The following INCENP variants were observed in gnomAD, a reference collection of about 807,000 sequenced individuals.
INCENP encodes the protein inner centromere protein, also known as binds and activates aurora-B and -C in vivo and in vitro.
INCENP carries 43 observed loss-of-function variants against 107.3 expected under a neutral mutation model. The observed-to-expected ratio is 0.40, with a 90% CI of 0.31 to 0.52. INCENP has a LOEUF of 0.52. INCENP is among the 20% of genes least tolerant of loss of function. The pLI, the probability that INCENP is intolerant of heterozygous loss-of-function variation, is 0.53. For missense variants in INCENP, 1,089 were observed against 1,250.9 expected, an observed-to-expected ratio of 0.87 and a Z score of 1.95; for synonymous variants, 488 against 494.4, an observed-to-expected ratio of 0.99 and a Z score of 0.17.
In INCENP at chr11:62,152,039, G is replaced by GCAA. The variant is rs1473028341; in HGVS notation, c.*63_*64insCAA. On this transcript the variant is annotated 3_prime_UTR_variant, in exon 19 of 19. Coordinates refer to ENST00000394818, the MANE Select transcript of INCENP (RefSeq NM_001040694.2). ...TCCATGTCTATCTGTCTGTCTGTCGGTCTCTGTCTTGGTCTGTTGCCCTCC... is the reference window on the plus strand; with the variant it reads ...TCCATGTCTATCTGTCTGTCTGTCGGCAATCTCTGTCTTGGTCTGTTGCCCTCC... 4 of 1,343,570 alleles carry GCAA rather than the reference G, an allele frequency of 3.0e-6. No individual in the cohort carries two copies. The highest frequency in any genetic ancestry group is 4.1e-6 in the Non-Finnish European group (4 of 964,594). 83.2% of individuals were successfully genotyped at this position (1,343,570 alleles called of 1,614,324 possible).
chr11:62,151,534 C>T (rs1313158359), intron 18 of INCENP, among the ~76,000 whole-genome samples: 2 of 152,168 alleles, frequency 1.3e-5, no homozygotes, highest in South Asian at 2.1e-4. Flanking sequence ...CTGGCTCATG[C>T]GAGCTCTCAA....
intron 3 of INCENP, 23 bp from the exon 4 acceptor site, chr11:62,129,759 C>T (rs770454641): frequency 6.3e-7 from 1 of 1,587,426 alleles, no homozygotes; most frequent in South Asian, 1.1e-5. Flanking sequence ...CCGTCTCAGC[C>T]TCTGCCCTGC....
rs1319390615 is a variant in INCENP, at chr11:62,128,916, G to A, written c.254+33G>A. The A allele has an allele frequency of 2.8e-6, 4 of 1,409,238 alleles. No homozygotes were observed. In the Admixed American group the frequency reaches 5.0e-5, roughly 18 times the overall value. 87.3% of individuals were successfully genotyped at this position (1,409,238 alleles called of 1,614,324 possible). On this transcript the variant is annotated intron_variant, in intron 3 of 18. Transcript: ENST00000394818. The stretch of plus-strand genomic sequence containing the variant: ...GGGTTGGGGGAGAGTGAGCTGAGCA[G>A]TGGGCTCTGCGGAGGCTTGGTGCCA...
chr11:62,130,387 C>A lies in INCENP; in HGVS notation c.860C>A (p.Pro287Gln). 6.2e-7 allele frequency: 1 copy of A among 1,612,960 alleles called. No individual in the cohort carries two copies. Among genetic ancestry groups the A allele is most frequent in the Non-Finnish European group, 8.5e-7 (1 of 1,180,012 alleles). The change falls in exon 4 of 19, where the codon CCG becomes CAG. Residue 287 changes from proline to glutamine, a missense_variant. By Grantham distance (76) the Pro-to-Gln change is moderately conservative. Transcript: ENST00000394818. ...WRERVLAPIL[P>Q]DNFSTPTGSR... ...GAGCGGGTGCTGGCTCCCATCCTGCCGGATAACTTCTCCACGCCCACGGGC... is the reference window on the plus strand; with the variant it reads ...GAGCGGGTGCTGGCTCCCATCCTGCAGGATAACTTCTCCACGCCCACGGGC...
Position 62,146,742 on chromosome 11 carries a change from AAGCGGCTGGCAGAGC to A in INCENP, c.2050_2064del (p.Leu684_Arg688del). The stretch of plus-strand genomic sequence containing the variant: ...GCGGCTGCGGAAGGCGGCCGAGGCT[AAGCGGCTGGCAGAGC>A]AGCGGGAGCAGGAGCGGCGGGAGCA... On this transcript the variant is annotated inframe_deletion, in exon 15 of 19. Transcript: ENST00000394818. 1 of 1,547,480 alleles carries A rather than the reference AAGCGGCTGGCAGAGC, an allele frequency of 6.5e-7. No individual in the cohort carries two copies. The highest frequency in any genetic ancestry group is 1.4e-5 in the African/African-American group (1 of 71,280).
chr11:62,125,352 T>C (rs1217043125), intron 1 of INCENP, among the ~76,000 whole-genome samples: 1 of 152,272 alleles, frequency 6.6e-6, no homozygotes, highest in Non-Finnish European at 1.5e-5. Context: ...TTTGAACAAA[T>C]ACTTTTTAAA....
chr11:62,137,949 C>T, intron 5 of INCENP, 66 bp downstream of exon 5: 5 of 1,419,770 alleles, frequency 3.5e-6, no homozygotes, highest in Non-Finnish European at 3.0e-6. Context: ...AAGGTGAGCA[C>T]CAGGGCTGGA....
At chr11:62,149,779 G>A (rs563299893) in intron 17 of INCENP, among the ~76,000 whole-genome samples, 16 of 152,144 alleles carry the variant, frequency 1.1e-4, no homozygotes, top group African/African-American at 1.9e-4. Context: ...AAAATTGGCC[G>A]GGTGTGGTGG....
Position 62,124,147 on chromosome 11 carries a change from G to A in INCENP, c.-28G>A, listed in dbSNP as rs1446125416. 6.6e-6 allele frequency: 1 copy of A among 152,312 alleles called. No homozygotes were observed. Among genetic ancestry groups the A allele is most frequent in the African/African-American group, 2.4e-5 (1 of 41,466 alleles). 9.4% of individuals were successfully genotyped at this position (152,312 alleles called of 1,614,324 possible). On this transcript the variant is annotated 5_prime_UTR_variant, in exon 1 of 19. Coordinates refer to ENST00000394818, the MANE Select transcript of INCENP (RefSeq NM_001040694.2). ...GACTTGGATCGGAGCAGCCTTCAGG[G>A]GACGTGGCGCAGTCGAGTGAGTGCG...
chr11:62,125,228 C>A (rs954880860), intron 1 of INCENP, among the ~76,000 whole-genome samples: 3 of 152,198 alleles, frequency 2.0e-5, no homozygotes, highest in Admixed American at 6.5e-5. Context: ...TTTTAACTTA[C>A]GGTAACCCTT....
rs1349171027 is a variant in INCENP at position 62,140,661 on chromosome 11, T to C, written c.1344-43T>C. The C allele has an allele frequency of 3.3e-6, 5 of 1,492,832 alleles. No homozygotes were observed. In the African/African-American group the frequency reaches 6.9e-5, roughly 21 times the overall value. The allele number at this position is 1,492,832 out of a possible 1,614,324, so 92.5% of individuals were successfully genotyped here. The stretch of plus-strand genomic sequence containing the variant: ...GACTTTTGATGGGGTGTGGCTGGGC[T>C]GTGGCGGGCTGCCCTGTGATGCCGC... On this transcript the variant is annotated intron_variant, in intron 8 of 18. Coordinates refer to ENST00000394818, the MANE Select transcript of INCENP (RefSeq NM_001040694.2).
chr11:62,144,743 G>A (rs781192806), intron 11 of INCENP: 2 of 752,592 alleles, frequency 2.7e-6, no homozygotes, highest in Non-Finnish European at 4.9e-6. Flanking sequence ...GGGCTCAATG[G>A]AGGGCACTGT....
chr11:62,138,658 G>A lies in INCENP; in HGVS notation c.1116-55G>A, dbSNP rs778281886. The stretch of plus-strand genomic sequence containing the variant: ...CTGGAATGGTAGAGGGACTCCCTAG[G>A]GGGAGGGCTTGGACTAGCTGGGCAG... On this transcript the variant is annotated intron_variant, in intron 5 of 18. Transcript: ENST00000394818. 9 of 1,555,462 alleles carry A rather than the reference G, an allele frequency of 5.8e-6. No homozygotes were observed. The Admixed American group carries it at 6.7e-5, about 12-fold the overall frequency.
At chr11:62,135,475 G>C (rs950368038) in intron 4 of INCENP, among the ~76,000 whole-genome samples, 1 of 151,922 alleles carries the variant, frequency 6.6e-6, no homozygotes, top group African/African-American at 2.4e-5. Flanking sequence ...ATGTTGCCAG[G>C]CTGGTCTCAA....
chr11:62,130,345 C>T lies in INCENP; in HGVS notation c.818C>T (p.Pro273Leu). 1 of 1,612,264 alleles carries T rather than the reference C, an allele frequency of 6.2e-7. No homozygotes were observed. The highest frequency in any genetic ancestry group is 1.1e-5 in the South Asian group (1 of 91,080). The change falls in exon 4 of 19, where the codon CCA (proline) becomes CTA (leucine). Residue 273 changes from proline to leucine, a missense_variant. Transcript: ENST00000394818. ...SPGPRDSPAF[P>L]DSPWRERVLA... Reference sequence around the variant, plus strand: ...GGCCCACGGGACTCGCCAGCCTTTCCAGATTCTCCATGGCGGGAGCGGGTG... The same window carrying T: ...GGCCCACGGGACTCGCCAGCCTTTCTAGATTCTCCATGGCGGGAGCGGGTG...
intron 11 of INCENP, among the ~76,000 whole-genome samples, chr11:62,141,960 G>C (rs1312746865): frequency 1.3e-5 from 2 of 152,178 alleles, no homozygotes; most frequent in Non-Finnish European, 2.9e-5. Flanking sequence ...CGCAAGTGTG[G>C]GTCTGAACTG....
chr11:62,140,815 C>T lies in INCENP; in HGVS notation c.1455C>T (p.Ala485=), dbSNP rs1944101198. The change falls in exon 9 of 19, where the codon GCC becomes GCT. Residue 485 remains alanine (A), a synonymous_variant. Coordinates refer to ENST00000394818, the MANE Select transcript of INCENP (RefSeq NM_001040694.2). ...RSKTPSSPCP[A]SKVVRPLRTF... The stretch of plus-strand genomic sequence containing the variant: ...AGACCCCTTCCTCACCCTGCCCAGC[C>T]AGCAAGGTGAGCCAGGCACCTGCCC... 1.9e-6 allele frequency: 3 copies of T among 1,613,268 alleles called. No homozygotes were observed. The highest frequency in any genetic ancestry group is 1.7e-5 in the Admixed American group (1 of 60,006).
chr11:62,128,242 T>C lies in INCENP; in HGVS notation c.81T>C (p.Asp27=). Residue 27 remains aspartate, a synonymous_variant, in exon 2 of 19, where the codon GAT becomes GAC. Coordinates refer to ENST00000394818, the MANE Select transcript of INCENP (RefSeq NM_001040694.2). ...QKLMEFLCNM[D]NKDLVWLEEI... is the part of the protein sequence containing the mutation. Reference sequence around the variant, plus strand: ...TCATGGAGTTTCTCTGCAACATGGATAATAAGGACTTGGTGTGGCTTGAGG... The same window carrying C: ...TCATGGAGTTTCTCTGCAACATGGACAATAAGGACTTGGTGTGGCTTGAGG... 1 of 1,614,130 alleles carries C rather than the reference T, an allele frequency of 6.2e-7. No individual in the cohort carries two copies. The highest frequency in any genetic ancestry group is 8.5e-7 in the Non-Finnish European group (1 of 1,179,998).
At chr11:62,141,603 T>G (rs1478962970) in intron 11 of INCENP, 92 bp downstream of exon 11, 15 of 1,483,610 alleles carry the variant, frequency 1.0e-5, no homozygotes, top group Admixed American at 6.7e-5. Flanking sequence ...CACCTGTAGA[T>G]GCACTAACAT....
Sources: gnomAD v4.1 joint callset for allele counts (sites outside exome capture counted in the v4.1 genomes callset) on GRCh38, gnomAD v4.1.1 for gene constraint, MANE v1.5 for transcripts, NCBI Gene and HGNC (gene_info 2026-07-23, HGNC 2026-07-21) for gene names.